Variants in UNC93A observed in about 807,000 individuals in gnomAD.
UNC93A encodes the protein N-acetylglucosamine transporter UNC93A.
Under a neutral mutation model 47.5 loss-of-function variants are expected in UNC93A, and 43 were observed. That is an observed-to-expected ratio of 0.91 (90% CI 0.71 to 1.17). The LOEUF (loss-of-function observed/expected upper bound fraction) is 1.17, where lower values mean the gene tolerates loss of function less well. Ranked by LOEUF, UNC93A falls within the 50% of genes most tolerant of loss-of-function variation. UNC93A has a pLI of 0.00. For synonymous variants in UNC93A, 280 were observed against 258.0 expected, an observed-to-expected ratio of 1.09 and a Z score of -0.82; for missense variants, 605 against 577.6, an observed-to-expected ratio of 1.05 and a Z score of -0.49.
At chr6:167,288,002 G>T (rs1783770698), upstream of UNC93A, among the ~76,000 whole-genome samples, 1 of 152,160 alleles carries the variant, frequency 6.6e-6, no homozygotes, top group South Asian at 2.1e-4. Flanking sequence ...GTCTTGGCTG[G>T]GTGGTCAGGC....
intron 7 of UNC93A, 74 bp downstream of exon 7, chr6:167,307,984 A>G (rs1032556720): frequency 6.3e-7 from 1 of 1,577,644 alleles, no homozygotes; most frequent in Non-Finnish European, 8.6e-7. Flanking sequence ...TGTGGGGCTC[A>G]TTAGATGCCA....
At chr6:167,297,872 T>G in intron 3 of UNC93A, 73 bp from the exon 4 acceptor site, 1 of 1,569,654 alleles carries the variant, frequency 6.4e-7, no homozygotes, top group South Asian at 1.2e-5. Context: ...CACTGTCACT[T>G]TGATTTCTCA....
At chr6:167,270,778 T>C (rs1327176090), upstream of UNC93A, among the ~76,000 whole-genome samples, 2 of 152,132 alleles carry the variant, frequency 1.3e-5, no homozygotes, top group African/African-American at 4.8e-5. Context: ...AAACGAGGGT[T>C]TCCCCGAACA....
chr6:167,297,296 C>G (rs1583077855), intron 3 of UNC93A, among the ~76,000 whole-genome samples: 1 of 151,338 alleles, frequency 6.6e-6, no homozygotes, highest in Middle Eastern at 3.4e-3. Flanking sequence ...CTTCTCTTAT[C>G]AGCTGCACAT....
intron 7 of UNC93A, among the ~76,000 whole-genome samples, chr6:167,309,537 C>T (rs564946485): frequency 6.6e-6 from 1 of 152,164 alleles, no homozygotes; most frequent in South Asian, 2.1e-4. Flanking sequence ...CTCTTCCCTT[C>T]AGGAGAGACT....
chr6:167,286,878 T>C (rs1331783502), upstream of UNC93A, among the ~76,000 whole-genome samples: 1 of 147,942 alleles, frequency 6.8e-6, no homozygotes, highest in Non-Finnish European at 1.5e-5. Flanking sequence ...CTCGGGAGGC[T>C]GAGGCAGGAG....
rs1054886420 is a variant in UNC93A, at chr6:167,273,077, C to G, written c.-52+1619C>G. On this transcript the variant is annotated intron_variant, in intron 1 of 3. Transcript: ENST00000503433. ...GTGGGCCCCTTTGTGACTGCCCAGGCAAGCCGCTAACGTGAACGTGCTCCT... is the reference window on the plus strand; with the variant it reads ...GTGGGCCCCTTTGTGACTGCCCAGGGAAGCCGCTAACGTGAACGTGCTCCT... 2.6e-5 allele frequency among the ~76,000 whole-genome samples: 4 copies of G among 152,328 alleles called. No homozygotes were observed. In the East Asian group the frequency reaches 7.7e-4, roughly 29 times the overall value.
chr6:167,278,834 T>C (rs1181119955), intron 1 of UNC93A, among the ~76,000 whole-genome samples: 2 of 151,496 alleles, frequency 1.3e-5, no homozygotes, highest in Non-Finnish European at 2.9e-5. Flanking sequence ...AGGGTGGGAG[T>C]TTTTCATTTT....
At chr6:167,272,389 G>C (rs1376106889) in intron 1 of UNC93A, among the ~76,000 whole-genome samples, 1 of 152,206 alleles carries the variant, frequency 6.6e-6, no homozygotes, top group Non-Finnish European at 1.5e-5. Flanking sequence ...TCCAGGTGGT[G>C]ACAGCTGAGC....
chr6:167,296,853 T>C (rs1778104430), intron 3 of UNC93A, among the ~76,000 whole-genome samples: 1 of 152,178 alleles, frequency 6.6e-6, no homozygotes, highest in Admixed American at 6.5e-5. Context: ...CTTTCATGCT[T>C]ACAGGAAAAC....
At chr6:167,294,363 C>T (rs114726951) in intron 1 of UNC93A, among the ~76,000 whole-genome samples, 154 bp from the exon 2 acceptor site, 1,733 of 152,292 alleles carry the variant, frequency 0.011, 32 homozygotes, top group African/African-American at 0.04. Flanking sequence ...TTTCTCCCAC[C>T]AGCTTCAGAG....
chr6:167,302,090 A>G (rs1193599517), intron 4 of UNC93A, among the ~76,000 whole-genome samples: 3 of 152,212 alleles, frequency 2.0e-5, no homozygotes, highest in Non-Finnish European at 2.9e-5. Flanking sequence ...ACGGAAAGTA[A>G]AGCCTAGAAA....
At chr6:167,293,761 CT>C (rs961393819) in intron 1 of UNC93A, among the ~76,000 whole-genome samples, 1 of 152,218 alleles carries the variant, frequency 6.6e-6, no homozygotes, top group Non-Finnish European at 1.5e-5. Flanking sequence ...AAAGGACGCT[CT>C]TTTGTGGCAC....
chr6:167,294,467 TC>T lies in UNC93A; in HGVS notation c.88-47del, dbSNP rs1777989601. The T allele has an allele frequency of 5.6e-6, 9 of 1,601,714 alleles. No homozygotes were observed. In the East Asian group the frequency reaches 2.0e-4, roughly 36 times the overall value. On this transcript the variant is annotated intron_variant, in intron 1 of 7. Coordinates refer to ENST00000230256, the MANE Select transcript of UNC93A (RefSeq NM_018974.4). ...ACACTGAGGACCTGCTGGTGCCTCA[TC>T]CCGCTGTGTCCATCCTGTGCTCTGA...
At chr6:167,278,459 G>A (rs1157983611) in intron 1 of UNC93A, among the ~76,000 whole-genome samples, 2 of 152,230 alleles carry the variant, frequency 1.3e-5, no homozygotes, top group Non-Finnish European at 2.9e-5. Flanking sequence ...AAATGGCGCT[G>A]CTGGGATCAT....
chr6:167,315,189 C>A lies in UNC93A; in HGVS notation c.1111C>A (p.Leu371Ile), dbSNP rs779508413. The A allele has an allele frequency of 3.1e-6, 5 of 1,613,532 alleles. No homozygotes were observed. Among genetic ancestry groups the A allele is most frequent in the Non-Finnish European group, 8.5e-7 (1 of 1,179,874 alleles). The stretch of plus-strand genomic sequence containing the variant: ...TCACTCCGCTCTCTCCTCTGCAGCT[C>A]TCTACGGCGTTCTGTTTGAGAAGAG... Reference protein sequence around the residue: ...DAVWQTQNNALYGVLFEKSKE... With the variant: ...DAVWQTQNNAIYGVLFEKSKE... The change falls in exon 8 of 8, where the codon CTC becomes ATC. Residue 371 changes from leucine (L) to isoleucine (I), a missense_variant and splice_region_variant. Physicochemically the swap from Leu to Ile is conservative, Grantham distance 5 (BLOSUM62 2). Transcript: ENST00000230256.
intron 3 of UNC93A, 100 bp from the exon 4 acceptor site, chr6:167,297,845 G>A (rs1778131342): frequency 6.8e-7 from 1 of 1,472,300 alleles, no homozygotes; most frequent in South Asian, 1.3e-5. Context: ...CTCCCCCCAG[G>A]TGTCCAATGT....
intron 4 of UNC93A, among the ~76,000 whole-genome samples, chr6:167,299,795 G>T (rs538623657): frequency 6.6e-6 from 1 of 152,230 alleles, no homozygotes; most frequent in South Asian, 2.1e-4. Flanking sequence ...GGAAGAGCCC[G>T]CAGGGCTGGG....
chr6:167,284,879 T>C (rs1486164810), intron 1 of UNC93A, among the ~76,000 whole-genome samples: 9 of 151,328 alleles, frequency 5.9e-5, no homozygotes, highest in African/African-American at 2.2e-4. Flanking sequence ...CGTGGGTCCT[T>C]ACCTTGGGAA....
Sources: allele counts gnomAD v4.1 joint callset (sites outside exome capture counted in the v4.1 genomes callset), GRCh38; gene constraint gnomAD v4.1.1; transcripts MANE v1.5; gene names NCBI Gene and HGNC (gene_info 2026-07-23, HGNC 2026-07-21).